Variants in NCAM1 observed in about 807,000 individuals in gnomAD.
NCAM1 encodes the protein neural cell adhesion molecule 1, also known as antigen recognized by monoclonal antibody 5.1H11.
Under a neutral mutation model 109.8 loss-of-function variants are expected in NCAM1, and 14 were observed. That is an observed-to-expected ratio of 0.13 (90% confidence interval 0.08 to 0.20). NCAM1 has a LOEUF of 0.20. Ranked by LOEUF, NCAM1 falls within the 10% of genes least tolerant of loss-of-function variation. The probability of loss-of-function intolerance (pLI) is 1.00; values close to 1 mark genes in which losing one functional copy is unlikely to be tolerated. For synonymous variants in NCAM1, 418 were observed against 442.9 expected, an observed-to-expected ratio of 0.94 and a Z score of 0.70; for missense variants, 774 against 1,109.9, an observed-to-expected ratio of 0.70 and a Z score of 4.30.
intron 16 of NCAM1, among the ~76,000 whole-genome samples, chr11:113,257,905 G>A (rs1945872410): frequency 6.6e-6 from 1 of 152,210 alleles, no homozygotes; most frequent in Non-Finnish European, 1.5e-5. Context: ...AGCCAGACTG[G>A]TTAGACTCTA....
At chr11:113,006,821 C>A (rs1484527961) in intron 1 of NCAM1, among the ~76,000 whole-genome samples, 1 of 152,162 alleles carries the variant, frequency 6.6e-6, no homozygotes, top group African/African-American at 2.4e-5. Context: ...GGTGGAACAG[C>A]ACTGGCTGTG....
chr11:113,264,179 T>C (rs1364682063), intron 17 of NCAM1: 1 of 985,174 alleles, frequency 1.0e-6, no homozygotes, highest in African/African-American at 1.7e-5. Flanking sequence ...ATTCTACATA[T>C]CTCATCTCTG....
At chr11:113,243,355 G>A (rs1369995748) in intron 14 of NCAM1, among the ~76,000 whole-genome samples, 2 of 152,176 alleles carry the variant, frequency 1.3e-5, no homozygotes, top group Non-Finnish European at 2.9e-5. Context: ...TTGTCTCCGC[G>A]TACGCAGAGC....
chr11:113,206,194 G>A lies in NCAM1; in HGVS notation c.628+14G>A, dbSNP rs377417619. ...TCATTGTGAATGGTGAGGAGAGTCC[G>A]TTCTTCCTGATCTCTGCATTGCTAC... On this transcript the variant is annotated intron_variant, in intron 5 of 19. Coordinates refer to ENST00000316851, the MANE Select transcript of NCAM1 (RefSeq NM_181351.5). 4.1e-5 allele frequency: 65 copies of A among 1,596,620 alleles called. No individual in the cohort carries two copies. Among genetic ancestry groups the A allele is most frequent in the Non-Finnish European group, 4.9e-5 (57 of 1,172,520 alleles).
rs562460407 is a variant in NCAM1, at chr11:113,212,371, T to C, written c.917-1998T>C. Among the ~76,000 whole-genome samples, 132 of 152,340 alleles carry C rather than the reference T, an allele frequency of 8.7e-4. 1 individual carries two copies. Among genetic ancestry groups the C allele is most frequent in the African/African-American group, 3.0e-3 (125 of 41,584 alleles). ...TAATAAGAATATGGTTTGCCTTTTT[T>C]CTAAGGAGTCACACAATGCACCTTC... On this transcript the variant is annotated intron_variant, in intron 7 of 19. Coordinates refer to ENST00000316851, the MANE Select transcript of NCAM1 (RefSeq NM_181351.5).
At chr11:113,199,141 T>C (rs1347010909) in intron 1 of NCAM1, among the ~76,000 whole-genome samples, 3 of 151,828 alleles carry the variant, frequency 2.0e-5, no homozygotes, top group Non-Finnish European at 4.4e-5. Context: ...ACGCAAGGAG[T>C]GTTTATGGAA....
At chr11:113,205,099 A>G (rs1211036056) in intron 3 of NCAM1, among the ~76,000 whole-genome samples, 1 of 152,092 alleles carries the variant, frequency 6.6e-6, no homozygotes, top group Admixed American at 6.5e-5. Flanking sequence ...CTGCCGTAGG[A>G]AAGTTGGGGT....
intron 1 of NCAM1, among the ~76,000 whole-genome samples, chr11:113,158,795 G>A (rs1942503173): frequency 6.6e-6 from 1 of 152,154 alleles, no homozygotes; most frequent in Admixed American, 6.5e-5. Flanking sequence ...AGGTGGATGA[G>A]AGCCTCTCCT....
At chr11:113,059,233 A>G (rs1406538863) in intron 1 of NCAM1, among the ~76,000 whole-genome samples, 6 of 152,188 alleles carry the variant, frequency 3.9e-5, no homozygotes, top group African/African-American at 1.4e-4. Flanking sequence ...AGCTCAACCA[A>G]AATCTCTTTA....
intron 16 of NCAM1, among the ~76,000 whole-genome samples, chr11:113,259,700 C>CTTTTT (rs61638375): frequency 5.3e-5 from 6 of 113,464 alleles, no homozygotes; most frequent in Admixed American, 9.2e-5. Flanking sequence ...CCCATCATTG[C>CTTTTT]TTTTTTTTTT....
chr11:113,231,894 G>T (rs1945020196), intron 10 of NCAM1, 99 bp downstream of exon 10: 2 of 1,481,210 alleles, frequency 1.4e-6, no homozygotes, highest in East Asian at 4.5e-5. Flanking sequence ...CACCCTGTGT[G>T]TTCTGCTTAC....
Position 112,975,294 on chromosome 11 carries a change from C to T in NCAM1, c.52+13630C>T, listed in dbSNP as rs559093311. On this transcript the variant is annotated intron_variant, in intron 1 of 19. Coordinates refer to ENST00000316851, the MANE Select transcript of NCAM1 (RefSeq NM_181351.5). ...CATTGGCAAGTGGCCATGTCTCAGA[C>T]TTGTTGGGTAGTTAAATGTCCACTA... 3.9e-5 allele frequency among the ~76,000 whole-genome samples: 6 copies of T among 152,138 alleles called. No individual in the cohort carries two copies. The South Asian group carries it at 1.2e-3, about 32-fold the overall frequency.
intron 1 of NCAM1, among the ~76,000 whole-genome samples, chr11:113,167,541 A>G: frequency 1.6e-5 from 1 of 61,680 alleles, no homozygotes; most frequent in South Asian, 7.0e-4. Context: ...TTTTTTTTTA[A>G]TTAAAAAAAA....
At chr11:112,972,941 C>A (rs1416295527) in intron 1 of NCAM1, among the ~76,000 whole-genome samples, 2 of 151,968 alleles carry the variant, frequency 1.3e-5, no homozygotes, top group Non-Finnish European at 2.9e-5. Context: ...CGGAAAAGAG[C>A]CAGAGGGAGG....
chr11:113,183,745 A>G (rs1445351079), intron 1 of NCAM1, among the ~76,000 whole-genome samples: 1 of 148,944 alleles, frequency 6.7e-6, no homozygotes, highest in Non-Finnish European at 1.5e-5. Flanking sequence ...CATAATACCA[A>G]CCACTTGGAA....
intron 9 of NCAM1, among the ~76,000 whole-genome samples, chr11:113,229,696 A>G (rs571663805): frequency 6.6e-5 from 10 of 152,366 alleles, no homozygotes; most frequent in East Asian, 1.9e-4. Context: ...ATGTCCATCA[A>G]TGACAGACTG....
chr11:113,221,981 A>C (rs536995856), intron 9 of NCAM1: 1 of 152,402 alleles, frequency 6.6e-6, no homozygotes, highest in African/African-American at 2.4e-5. Flanking sequence ...TCATTGCTTC[A>C]GTTTGGATAA....
chr11:113,188,928 G>A (rs1555109340), intron 1 of NCAM1, among the ~76,000 whole-genome samples: 1 of 152,056 alleles, frequency 6.6e-6, no homozygotes, highest in East Asian at 1.9e-4. Flanking sequence ...TGGGATGCCA[G>A]GCAGAGTCAC....
In NCAM1 at chr11:113,232,263, C is replaced by G; in HGVS notation, c.1334C>G (p.Thr445Arg). ...GAGGTATTTGCCTATCCCAGTGCCA[C>G]GATCTCATGGTTTCGGGATGGCCAG... is the stretch of plus-strand genomic sequence containing the variant. Reference protein sequence around the residue: ...TCEVFAYPSATISWFRDGQLL... With the variant: ...TCEVFAYPSARISWFRDGQLL... Residue 445 changes from threonine (T) to arginine (R), a missense_variant, in exon 11 of 20, where the codon ACG (threonine) becomes AGG (arginine). Coordinates refer to ENST00000316851, the MANE Select transcript of NCAM1 (RefSeq NM_181351.5). 1 of 1,613,894 alleles carries G rather than the reference C, an allele frequency of 6.2e-7. No individual in the cohort carries two copies. The highest frequency in any genetic ancestry group is 1.1e-5 in the South Asian group (1 of 91,068).
Sources: gnomAD v4.1 joint callset for allele counts (sites outside exome capture counted in the v4.1 genomes callset) on GRCh38, gnomAD v4.1.1 for gene constraint, MANE v1.5 for transcripts, NCBI Gene and HGNC (gene_info 2026-07-23, HGNC 2026-07-21) for gene names.